Variants in TCF7L2 observed in about 807,000 individuals in gnomAD.
The protein encoded by TCF7L2 is transcription factor 7-like 2.
In TCF7L2, 23 loss-of-function variants were observed where a neutral mutation model predicts 77.9. The observed-to-expected ratio is 0.30, with a 90% CI of 0.21 to 0.42. The LOEUF (loss-of-function observed/expected upper bound fraction) is 0.42. TCF7L2 is among the 10% of genes least tolerant of loss of function. TCF7L2 has a pLI of 1.00. For synonymous variants in TCF7L2, 413 were observed against 340.2 expected (o/e 1.21, Z -2.36); for missense variants, 654 against 793.1 (o/e 0.82, Z 2.11).
At chr10:113,127,679 G>T (rs1269002377) in intron 5 of TCF7L2, among the ~76,000 whole-genome samples, 2 of 151,732 alleles carry the variant, frequency 1.3e-5, no homozygotes, top group African/African-American at 2.4e-5. Context: ...AATGTTCTAA[G>T]CGTGGTGTAC....
At chr10:112,955,603 T>C (rs1048045183) in intron 3 of TCF7L2, among the ~76,000 whole-genome samples, 1 of 152,214 alleles carries the variant, frequency 6.6e-6, no homozygotes, top group Non-Finnish European at 1.5e-5. Context: ...TGATGCCCTC[T>C]GTGTCTGATT....
chr10:113,033,203 TTCC>T lies in TCF7L2; in HGVS notation c.451-6811_451-6809del, dbSNP rs199805566. 8.8e-3 allele frequency among the ~76,000 whole-genome samples: 1,322 copies of T among 150,068 alleles called. 26 individuals are homozygous for T. The highest frequency in any genetic ancestry group is 0.03 in the African/African-American group (1,235 of 40,974). On this transcript the variant is annotated intron_variant, in intron 4 of 13. Coordinates refer to ENST00000627217, the MANE Select transcript of TCF7L2 (RefSeq NM_001146274.2). ...CCCTCCTTTCCTCCTCCTCCTTCCC[TTCC>T]TCCTCCTCCTTCTGCTGCTTCTCTC...
At position 113,151,970 on chromosome 10, in the gene TCF7L2, C is replaced by A. The variant is rs2137163500; in HGVS notation, c.1161+86C>A. On this transcript the variant is annotated intron_variant, in intron 10 of 13. Transcript: ENST00000627217. The surrounding 1 kb of genome is among the most constrained non-coding windows in gnomAD (Gnocchi z 5.2). ...AGGTCAGGTGGCAGAATGTCTCTGTCCCCATTTCTTTGGAGAATTCTTGCC... is the reference window on the plus strand; with the variant it reads ...AGGTCAGGTGGCAGAATGTCTCTGTACCCATTTCTTTGGAGAATTCTTGCC... 2 of 1,503,278 alleles carry A rather than the reference C, an allele frequency of 1.3e-6. No individual in the cohort carries two copies. Among genetic ancestry groups the A allele is most frequent in the Non-Finnish European group, 1.8e-6 (2 of 1,127,290 alleles). The allele number at this position is 1,503,278 out of a possible 1,614,324, so 93.1% of individuals were successfully genotyped here.
intron 4 of TCF7L2, among the ~76,000 whole-genome samples, chr10:112,993,014 C>T (rs1322103051): frequency 1.3e-5 from 2 of 152,006 alleles, no homozygotes; most frequent in African/African-American, 2.4e-5. Flanking sequence ...CCACCCGCCT[C>T]GGCCTCCGAA....
intron 4 of TCF7L2, among the ~76,000 whole-genome samples, chr10:112,994,346 C>T (rs1384474183): frequency 2.0e-5 from 3 of 152,196 alleles, no homozygotes; most frequent in Non-Finnish European, 4.4e-5. Flanking sequence ...TTGTGTCTGT[C>T]TGCTTTCACT....
chr10:112,995,454 C>T (rs776597709), intron 4 of TCF7L2, among the ~76,000 whole-genome samples: 2 of 152,138 alleles, frequency 1.3e-5, no homozygotes, highest in Admixed American at 6.5e-5. Flanking sequence ...AGGCTGTCCA[C>T]GTTCATGCAA....
At chr10:113,020,032 TG>T (rs2048026814) in intron 4 of TCF7L2, among the ~76,000 whole-genome samples, 1 of 152,078 alleles carries the variant, frequency 6.6e-6, no homozygotes, top group Non-Finnish European at 1.5e-5. Context: ...GAATAATAGG[TG>T]GTGAGTGGGT....
chr10:113,060,899 A>G (rs1227573671), intron 5 of TCF7L2, among the ~76,000 whole-genome samples: 6 of 152,230 alleles, frequency 3.9e-5, no homozygotes, highest in Admixed American at 2.6e-4. Context: ...GTAGCCACCC[A>G]TGTGGAGTCC....
chr10:113,159,487 C>T (rs1294173319), intron 12 of TCF7L2, among the ~76,000 whole-genome samples: 7 of 151,702 alleles, frequency 4.6e-5, no homozygotes, highest in African/African-American at 1.7e-4. Context: ...AAGCATGTTA[C>T]AAACTTAATT....
At chr10:113,093,072 C>A (rs1345344206) in intron 5 of TCF7L2, among the ~76,000 whole-genome samples, 2 of 152,262 alleles carry the variant, frequency 1.3e-5, no homozygotes, top group African/African-American at 4.8e-5. Context: ...GCAAAACAGG[C>A]GGTGGTCATG....
chr10:112,977,333 T>C (rs2039609477), intron 4 of TCF7L2, among the ~76,000 whole-genome samples: 1 of 152,238 alleles, frequency 6.6e-6, no homozygotes, highest in Non-Finnish European at 1.5e-5. Context: ...GGAAGAAGTC[T>C]TGTGTCAACA....
intron 5 of TCF7L2, among the ~76,000 whole-genome samples, chr10:113,118,553 GTT>G (rs1407735225): frequency 6.7e-5 from 10 of 148,858 alleles, no homozygotes; most frequent in Non-Finnish European, 1.3e-4. Context: ...GTGTGTGTGT[GTT>G]TGTTCACCTA....
rs762011172 is a variant in TCF7L2 at position 113,144,114 on chromosome 10, G to C, written c.788+89G>C. 436 of 771,522 alleles carry C rather than the reference G, an allele frequency of 5.7e-4. 2 individuals are homozygous for C. Among genetic ancestry groups the C allele is most frequent in the East Asian group, 7.8e-4 (17 of 21,826 alleles). The allele number at this position is 771,522 out of a possible 1,614,324, so 47.8% of individuals were successfully genotyped here. ...TGTGTGTGTGTCTGTGTGTGTGTGT[G>C]TGTGTGTGTGTGTGTGTGTGTGTAT... is the stretch of plus-strand genomic sequence containing the variant. On this transcript the variant is annotated intron_variant, in intron 7 of 13. Transcript: ENST00000627217.
intron 5 of TCF7L2, among the ~76,000 whole-genome samples, chr10:113,130,936 T>C (rs1282508306): frequency 6.6e-6 from 1 of 151,998 alleles, no homozygotes; most frequent in Non-Finnish European, 1.5e-5. Context: ...CAGATAATTT[T>C]TGTATTTTTA....
chr10:113,031,279 T>C (rs1050231381), intron 4 of TCF7L2, among the ~76,000 whole-genome samples: 3 of 152,174 alleles, frequency 2.0e-5, no homozygotes, highest in African/African-American at 7.2e-5. Flanking sequence ...TAAAATGGAA[T>C]CTTCAAATGG....
intron 5 of TCF7L2, among the ~76,000 whole-genome samples, chr10:113,044,253 A>C (rs1242154074): frequency 1.3e-5 from 2 of 152,164 alleles, no homozygotes; most frequent in Admixed American, 1.3e-4. Context: ...CTTACGAAAT[A>C]ATGCACGATG....
At chr10:113,001,190 G>A (rs962619955) in intron 4 of TCF7L2, among the ~76,000 whole-genome samples, 3 of 152,208 alleles carry the variant, frequency 2.0e-5, no homozygotes, top group African/African-American at 4.8e-5. Context: ...TCCCGTCTTC[G>A]GATGGCTCCT....
chr10:113,063,092 G>T (rs1202247668), intron 5 of TCF7L2, among the ~76,000 whole-genome samples: 1 of 152,180 alleles, frequency 6.6e-6, no homozygotes, highest in Non-Finnish European at 1.5e-5. Context: ...CTTGCAAACA[G>T]TACAGTGTTT....
chr10:113,144,855 G>A (rs1045649763), intron 7 of TCF7L2, among the ~76,000 whole-genome samples: 8 of 152,186 alleles, frequency 5.3e-5, no homozygotes, highest in African/African-American at 1.9e-4. Context: ...GGCAGGTTGT[G>A]TGTATGTATA....
Sources: allele counts gnomAD v4.1 joint callset (sites outside exome capture counted in the v4.1 genomes callset), GRCh38; gene constraint gnomAD v4.1.1; non-coding constraint Gnocchi (gnomAD v3.1); transcripts MANE v1.5; gene names NCBI Gene and HGNC (gene_info 2026-07-23, HGNC 2026-07-21).